Variants in CSMD2 observed in about 807,000 individuals in gnomAD.
The protein encoded by CSMD2 is CUB and sushi domain-containing protein 2.
A neutral mutation model predicts 398.5 loss-of-function variants in CSMD2; 130 were observed. The ratio of observed to expected loss-of-function variants is 0.33; its 90% CI spans 0.28 to 0.38. CSMD2 has a LOEUF of 0.38. Among genes scored for constraint, CSMD2 ranks in the 10% least tolerant of loss-of-function variants. The pLI, the probability that CSMD2 is intolerant of heterozygous loss-of-function variation, is 1.00. For missense variants in CSMD2, 3,829 were observed against 4,764.9 expected, an observed-to-expected ratio of 0.80 and a Z score of 5.78; for synonymous variants, 1,828 against 1,908.5, an observed-to-expected ratio of 0.96 and a Z score of 1.10.
rs1656279801 is a variant in CSMD2 at position 33,541,004 on chromosome 1, A to G, written c.9457+126T>C. On this transcript the variant is annotated intron_variant, in intron 59 of 70. Transcript: ENST00000373381. Reference sequence around the variant, plus strand: ...TCAGGGGCCAGTTTTCTCACCTTGCACATCCCCTGATAAGATGTTAGGGCT... The same window carrying G: ...TCAGGGGCCAGTTTTCTCACCTTGCGCATCCCCTGATAAGATGTTAGGGCT... 4 of 990,202 alleles carry G rather than the reference A, an allele frequency of 4.0e-6. No homozygotes were observed. The African/African-American group carries it at 4.8e-5, about 12-fold the overall frequency. 61.3% of individuals were successfully genotyped at this position (990,202 alleles called of 1,614,324 possible).
At chr1:34,072,447 A>C (rs1003021267) in intron 2 of CSMD2, among the ~76,000 whole-genome samples, 2 of 152,164 alleles carry the variant, frequency 1.3e-5, no homozygotes, top group Non-Finnish European at 2.9e-5. Context: ...TTCCTATCTC[A>C]GCAACAGTGC....
At chr1:33,731,062 C>T (rs1378674693) in intron 15 of CSMD2, among the ~76,000 whole-genome samples, 1 of 152,086 alleles carries the variant, frequency 6.6e-6, no homozygotes, top group African/African-American at 2.4e-5. Flanking sequence ...CTCCCACTAG[C>T]CAATGACACA....
At chr1:33,540,277 C>A (rs574685775) in intron 60 of CSMD2, among the ~76,000 whole-genome samples, 2 of 151,212 alleles carry the variant, frequency 1.3e-5, no homozygotes, top group African/African-American at 2.4e-5. Context: ...AAAAAAAACA[C>A]CCCCAATATC....
At chr1:33,808,480 A>T (rs1431572828) in intron 10 of CSMD2, among the ~76,000 whole-genome samples, 1 of 152,104 alleles carries the variant, frequency 6.6e-6, no homozygotes, top group African/African-American at 2.4e-5. Flanking sequence ...ATTAAAAAAT[A>T]CTTCTAAATA....
chr1:33,917,390 C>T (rs971164061), intron 5 of CSMD2, among the ~76,000 whole-genome samples: 8 of 152,240 alleles, frequency 5.3e-5, no homozygotes, highest in Non-Finnish European at 1.2e-4. Flanking sequence ...CACAATACCA[C>T]TTGTGATGCT....
intron 3 of CSMD2, among the ~76,000 whole-genome samples, chr1:33,964,249 TG>T (rs1350115762): frequency 6.6e-6 from 1 of 152,140 alleles, no homozygotes; most frequent in African/African-American, 2.4e-5. Context: ...AACCTCTCTA[TG>T]TCTCAATGTG....
At position 33,825,254 on chromosome 1, in the gene CSMD2, T is replaced by C. The variant is rs1234761755; in HGVS notation, c.1111+443A>G. Among the ~76,000 whole-genome samples, 4 of 152,182 alleles carry C rather than the reference T, an allele frequency of 2.6e-5. No homozygotes were observed. The East Asian group carries it at 5.8e-4, about 22-fold the overall frequency. On this transcript the variant is annotated intron_variant, in intron 7 of 70. Transcript: ENST00000373381. The stretch of plus-strand genomic sequence containing the variant: ...TCCAGGGGCCCTTGGAGGAGGTTAC[T>C]AGGCATTCCCCTGCCTCCCTTTCCC...
chr1:34,005,967 C>T (rs775444767), intron 3 of CSMD2, among the ~76,000 whole-genome samples: 2 of 152,206 alleles, frequency 1.3e-5, no homozygotes, highest in Non-Finnish European at 2.9e-5. Flanking sequence ...CCCATGCAGA[C>T]ATCACTAATT....
chr1:33,541,080 C>T (rs200013253), intron 59 of CSMD2, 50 bp downstream of exon 59: 200 of 1,586,222 alleles, frequency 1.3e-4, no homozygotes, highest in Non-Finnish European at 1.6e-4. Flanking sequence ...CTACATCTCA[C>T]TTTTGTATCT....
intron 26 of CSMD2, among the ~76,000 whole-genome samples, chr1:33,658,734 G>A (rs1189922036): frequency 6.6e-6 from 1 of 152,146 alleles, no homozygotes; most frequent in African/African-American, 2.4e-5. Flanking sequence ...TGTGGTGATA[G>A]TTGCCTGTTA....
intron 13 of CSMD2, among the ~76,000 whole-genome samples, chr1:33,754,018 T>C (rs987059368): frequency 2.0e-5 from 3 of 152,192 alleles, no homozygotes; most frequent in African/African-American, 4.8e-5. Flanking sequence ...CCTTTAGACT[T>C]AGGACTTTTG....
chr1:33,671,884 C>T (rs1276037814), intron 25 of CSMD2, among the ~76,000 whole-genome samples: 3 of 152,190 alleles, frequency 2.0e-5, no homozygotes. Flanking sequence ...GAAACTTGGA[C>T]ACACTAGGTA....
At position 33,788,715 on chromosome 1, in the gene CSMD2, G is replaced by A. The variant is rs757695505; in HGVS notation, c.1551-3C>T. 1 of 1,581,976 alleles carries A rather than the reference G, an allele frequency of 6.3e-7. No individual in the cohort carries two copies. Among genetic ancestry groups the A allele is most frequent in the Admixed American group, 1.7e-5 (1 of 59,982 alleles). ...CCGGGACCGATGTACCTGTCAGGCT[G>A]GCAGGAGAGAGATATTTAGAGGTGT... On this transcript the variant is annotated splice_polypyrimidine_tract_variant and splice_region_variant and intron_variant, in intron 11 of 70. Transcript: ENST00000373381.
At position 33,558,025 on chromosome 1, in the gene CSMD2, G is replaced by C; in HGVS notation, c.8555-103C>G. ...CAGACCCTGTCGGGAGGGTGAGCTG[G>C]TCCCAAGGTTGCTGGACTTCTCCCC... is the stretch of plus-strand genomic sequence containing the variant. On this transcript the variant is annotated intron_variant, in intron 54 of 70. Coordinates refer to ENST00000373381, the MANE Select transcript of CSMD2 (RefSeq NM_001281956.2). 4.8e-6 allele frequency: 5 copies of C among 1,050,668 alleles called. No individual in the cohort carries two copies. The South Asian group carries it at 7.8e-5, about 16-fold the overall frequency. 65.1% of individuals were successfully genotyped at this position (1,050,668 alleles called of 1,614,324 possible).
At chr1:34,158,653 G>T (rs1471878434) in intron 1 of CSMD2, among the ~76,000 whole-genome samples, 1 of 152,224 alleles carries the variant, frequency 6.6e-6, no homozygotes, top group East Asian at 1.9e-4. Flanking sequence ...GGTGCTGAAA[G>T]CAAGTAGACC....
intron 13 of CSMD2, among the ~76,000 whole-genome samples, chr1:33,744,739 G>T (rs1647212102): frequency 6.6e-6 from 1 of 152,090 alleles, no homozygotes; most frequent in Admixed American, 6.5e-5. Context: ...AGTGCTTAGA[G>T]GATTCATATG....
intron 42 of CSMD2, among the ~76,000 whole-genome samples, chr1:33,603,792 A>G (rs2148814708): frequency 1.3e-5 from 2 of 152,350 alleles, no homozygotes; most frequent in South Asian, 2.1e-4. Context: ...TCTAGAATTC[A>G]TATTTATACT....
chr1:34,042,272 G>A (rs559350817), intron 2 of CSMD2, among the ~76,000 whole-genome samples: 38 of 152,066 alleles, frequency 2.5e-4, no homozygotes, highest in Non-Finnish European at 4.6e-4. Flanking sequence ...GGAGTAGGGC[G>A]GCTGGCAAAT....
chr1:33,844,058 A>G (rs1023749499), intron 6 of CSMD2, among the ~76,000 whole-genome samples: 1 of 151,842 alleles, frequency 6.6e-6, no homozygotes, highest in African/African-American at 2.4e-5. Context: ...TAAACCCTCT[A>G]CCGTTAAAGC....
Sources: allele counts gnomAD v4.1 joint callset (sites outside exome capture counted in the v4.1 genomes callset), GRCh38; gene constraint gnomAD v4.1.1; transcripts MANE v1.5; gene names NCBI Gene and HGNC (gene_info 2026-07-23, HGNC 2026-07-21).